BMAL1: variants seen among roughly 807,000 people sequenced by gnomAD.
The protein encoded by BMAL1 is basic helix-loop-helix ARNT like 1.
the BMAL1 span, among the ~76,000 whole-genome samples, chr11:13,291,399 G>A: frequency 3.8e-4 from 58 of 152,132 alleles, no homozygotes; most frequent in Non-Finnish European, 6.8e-4. Context: ...AGTGAATGAG[G>A]GGAGCTAGCA....
the BMAL1 span, among the ~76,000 whole-genome samples, chr11:13,386,059 A>C: frequency 2.0e-5 from 3 of 152,242 alleles, no homozygotes; most frequent in Non-Finnish European, 2.9e-5. Flanking sequence ...ATCTCTTCAG[A>C]GAGAGAAGGC....
At chr11:13,350,099 CCT>C in the BMAL1 span, 1 of 152,234 alleles carries the variant, frequency 6.6e-6, no homozygotes. Flanking sequence ...CTCCCTGCCC[CCT>C]GTGAACTCAT....
the BMAL1 span, among the ~76,000 whole-genome samples, chr11:13,327,751 C>G: frequency 1.3e-5 from 2 of 152,176 alleles, no homozygotes; most frequent in African/African-American, 4.8e-5. Flanking sequence ...AGAGTGGCAA[C>G]AGAAAGGGTT....
chr11:13,375,614 T>C, the BMAL1 span: 2 of 1,569,614 alleles, frequency 1.3e-6, no homozygotes, highest in Non-Finnish European at 1.7e-6. Flanking sequence ...ATTTTCAGTT[T>C]TACAGACGAG....
At chr11:13,378,245 T>C in the BMAL1 span, 622 of 1,434,214 alleles carry the variant, frequency 4.3e-4, 19 homozygotes, top group East Asian at 0.016. Flanking sequence ...GAACTGCAAA[T>C]GGATCATGGG....
the BMAL1 span, among the ~76,000 whole-genome samples, chr11:13,339,456 C>CACACACACACACACACAG: frequency 1.3e-5 from 2 of 151,866 alleles, no homozygotes; most frequent in African/African-American, 4.8e-5. Flanking sequence ...CACACACACA[C>CACACACACACACACACAG]ATGGTATCTT....
At chr11:13,360,221 A>G in the BMAL1 span, 1 of 784,240 alleles carries the variant, frequency 1.3e-6, no homozygotes, top group Non-Finnish European at 2.1e-6. Flanking sequence ...TAAGGCCTAA[A>G]CAATAAAATT....
At chr11:13,361,275 C>T in the BMAL1 span, among the ~76,000 whole-genome samples, 4 of 152,048 alleles carry the variant, frequency 2.6e-5, no homozygotes, top group Admixed American at 6.6e-5. Flanking sequence ...AGAATTAGGT[C>T]GGCACAAAGC....
At chr11:13,340,216 T>C in the BMAL1 span, among the ~76,000 whole-genome samples, 1 of 152,204 alleles carries the variant, frequency 6.6e-6, no homozygotes, top group East Asian at 1.9e-4. Flanking sequence ...AACCCTGTGC[T>C]GGGTGGGACA....
At chr11:13,359,677 A>C in the BMAL1 span, among the ~76,000 whole-genome samples, 1 of 152,134 alleles carries the variant, frequency 6.6e-6, no homozygotes, top group Non-Finnish European at 1.5e-5. Flanking sequence ...TCGCTATTCT[A>C]CAGACTCCAA....
the BMAL1 span, chr11:13,369,892 G>A: frequency 1.6e-6 from 2 of 1,240,002 alleles, no homozygotes; most frequent in East Asian, 2.5e-5. Context: ...CAGGACTGCA[G>A]ACAGGACCCT....
the BMAL1 span, among the ~76,000 whole-genome samples, chr11:13,289,108 A>G: frequency 6.6e-6 from 1 of 152,234 alleles, no homozygotes; most frequent in African/African-American, 2.4e-5. Context: ...TGGAACAGGT[A>G]TAACAATTCC....
At chr11:13,277,134 C>T in the BMAL1 span, 1 of 152,302 alleles carries the variant, frequency 6.6e-6, no homozygotes, top group African/African-American at 2.4e-5. Context: ...TATCCGTTCT[C>T]TCGTTGAGAC....
chr11:13,369,812 T>C, the BMAL1 span: 1 of 1,589,658 alleles, frequency 6.3e-7, no homozygotes, highest in Non-Finnish European at 8.5e-7. Flanking sequence ...AGGTGAAGCA[T>C]GCTTTCTGCA....
chr11:13,339,430 T>TACACACACAC, the BMAL1 span, among the ~76,000 whole-genome samples: 17,512 of 144,104 alleles, frequency 0.12, 1,155 homozygotes, highest in Middle Eastern at 0.18. Flanking sequence ...GCCCTGCTTT[T>TACACACACAC]ACACACACAC....
At chr11:13,296,863 G>A in the BMAL1 span, among the ~76,000 whole-genome samples, 9 of 152,304 alleles carry the variant, frequency 5.9e-5, no homozygotes, top group East Asian at 1.4e-3. Context: ...TGGGGAAGCC[G>A]TTCCTGTCCC....
the BMAL1 span, among the ~76,000 whole-genome samples, chr11:13,371,904 G>A: frequency 7.0e-3 from 1,064 of 152,248 alleles, 15 homozygotes; most frequent in African/African-American, 0.024. Flanking sequence ...CTCTCCCTAG[G>A]AAGAGTTAGA....
chr11:13,370,618 C>A, the BMAL1 span, among the ~76,000 whole-genome samples: 1 of 152,170 alleles, frequency 6.6e-6, no homozygotes, highest in Non-Finnish European at 1.5e-5. Flanking sequence ...TGCAAAAGTT[C>A]TCTGAAATGT....
At chr11:13,353,842 AAAAAT>A in the BMAL1 span, among the ~76,000 whole-genome samples, 5 of 152,216 alleles carry the variant, frequency 3.3e-5, no homozygotes, top group African/African-American at 9.6e-5. Context: ...AATAAAAAAT[AAAAAT>A]AAAATAAAAT....
Sources: allele counts gnomAD v4.1 joint callset (sites outside exome capture counted in the v4.1 genomes callset), GRCh38; gene constraint gnomAD v4.1.1; transcripts MANE v1.5; gene names NCBI Gene and HGNC (gene_info 2026-07-23, HGNC 2026-07-21).